EBPL: variants seen among roughly 807,000 people sequenced by gnomAD.
EBPL encodes the protein emopamil-binding protein-like.
In EBPL, 20 loss-of-function variants were observed where a neutral mutation model predicts 19.0. That is an observed-to-expected ratio of 1.05 (90% CI 0.74 to 1.53). The LOEUF (loss-of-function observed/expected upper bound fraction) is 1.53, where lower values mean the gene tolerates loss of function less well. Ranked by LOEUF, EBPL falls within the 40% of genes most tolerant of loss-of-function variation. The pLI, the probability that EBPL is intolerant of heterozygous loss-of-function variation, is 0.00. For synonymous variants in EBPL, 107 were observed against 117.0 expected (o/e 0.91, Z 0.55); for missense variants, 219 against 261.1 (o/e 0.84, Z 1.11).
intron 3 of EBPL, among the ~76,000 whole-genome samples, chr13:49,661,486 T>G (rs994455860): frequency 6.6e-6 from 1 of 152,098 alleles, no homozygotes; most frequent in Non-Finnish European, 1.5e-5. Context: ...TTGGGGAAAT[T>G]TGGTGAGATC....
At chr13:49,686,647 C>T in intron 1 of EBPL, 6 of 1,283,220 alleles carry the variant, frequency 4.7e-6, no homozygotes, top group Non-Finnish European at 6.1e-6. Flanking sequence ...CTCTTTCACC[C>T]TTCTGTTCTC....
At chr13:49,672,916 C>T (rs534214568) in intron 1 of EBPL, among the ~76,000 whole-genome samples, 2 of 151,970 alleles carry the variant, frequency 1.3e-5, no homozygotes, top group African/African-American at 2.4e-5. Context: ...AACAATTAGC[C>T]GGGTGTGGTG....
At chr13:49,683,042 T>C (rs1454400189) in intron 1 of EBPL, among the ~76,000 whole-genome samples, 1 of 152,092 alleles carries the variant, frequency 6.6e-6, no homozygotes, top group Non-Finnish European at 1.5e-5. Context: ...GGCGCCATCT[T>C]GGCTCACTGC....
intron 1 of EBPL, among the ~76,000 whole-genome samples, chr13:49,671,230 C>G (rs1056195988): frequency 6.6e-6 from 1 of 152,176 alleles, no homozygotes; most frequent in Admixed American, 6.5e-5. Flanking sequence ...CTACGCCTCC[C>G]GGGTTCAAGC....
At chr13:49,684,912 T>C (rs1370629363) in intron 1 of EBPL, among the ~76,000 whole-genome samples, 1 of 152,160 alleles carries the variant, frequency 6.6e-6, no homozygotes, top group Non-Finnish European at 1.5e-5. Context: ...AGTGAAATTA[T>C]TTTTTATTTT....
rs543101852 is a variant in EBPL at position 49,661,719 on chromosome 13, C to A, written c.381-511G>T. The A allele has an allele frequency of 4.4e-5, 63 of 1,441,586 alleles. No individual in the cohort carries two copies. The East Asian group carries it at 1.5e-3, about 33-fold the overall frequency. The allele number at this position is 1,441,586 out of a possible 1,614,324, so 89.3% of individuals were successfully genotyped here. A position where few individuals can be genotyped will look rare whatever the true frequency, so the allele number is the denominator to read the frequency against. ...GCACACGTAGTAAGTTTGCAACCAG[C>A]GTCATGGAGTGAAAAATACGTCAAG... On this transcript the variant is annotated intron_variant, in intron 3 of 3. Coordinates refer to ENST00000242827, the MANE Select transcript of EBPL (RefSeq NM_032565.5).
intron 1 of EBPL, among the ~76,000 whole-genome samples, chr13:49,687,721 C>T (rs1040676048): frequency 2.0e-5 from 3 of 152,188 alleles, no homozygotes; most frequent in African/African-American, 7.2e-5. Flanking sequence ...TTTCTTGTAA[C>T]GCATCCCACT....
intron 1 of EBPL, among the ~76,000 whole-genome samples, chr13:49,676,096 T>G (rs189031981): frequency 2.0e-5 from 3 of 152,360 alleles, no homozygotes; most frequent in African/African-American, 7.2e-5. Context: ...ATATCATCAC[T>G]TGGAATTTGA....
chr13:49,690,951 G>A (rs1466057616), intron 1 of EBPL, among the ~76,000 whole-genome samples: 1 of 152,148 alleles, frequency 6.6e-6, no homozygotes, highest in East Asian at 1.9e-4. Flanking sequence ...CAACAGTTAC[G>A]TGCAGGTTAC....
chr13:49,668,435 G>C (rs532034252), intron 2 of EBPL: 2 of 234,748 alleles, frequency 8.5e-6, no homozygotes, highest in African/African-American at 2.4e-5. Context: ...TTAGCTAGGC[G>C]TGGTGGCGGG....
chr13:49,682,854 T>C (rs1019488925), intron 1 of EBPL, among the ~76,000 whole-genome samples: 2 of 152,210 alleles, frequency 1.3e-5, no homozygotes, highest in African/African-American at 4.8e-5. Flanking sequence ...GTGCATCTGC[T>C]GCATCCCAAA....
At chr13:49,688,112 A>G (rs536946860) in intron 1 of EBPL, among the ~76,000 whole-genome samples, 25 of 152,316 alleles carry the variant, frequency 1.6e-4, no homozygotes, top group African/African-American at 5.8e-4. Flanking sequence ...ATTGCAGAAG[A>G]GATAAAATTT....
chr13:49,675,900 T>C (rs1270927974), intron 1 of EBPL, among the ~76,000 whole-genome samples: 1 of 151,426 alleles, frequency 6.6e-6, no homozygotes, highest in Non-Finnish European at 1.5e-5. Context: ...TTAATAGTAC[T>C]CATCCTAACG....
intron 1 of EBPL, among the ~76,000 whole-genome samples, chr13:49,673,007 C>T (rs573933471): frequency 1.2e-3 from 176 of 152,076 alleles, no homozygotes; most frequent in Admixed American, 2.7e-3. Context: ...TGCAGTGAGC[C>T]GTGATTGTGC....
At chr13:49,668,913 T>C (rs1439894015) in intron 2 of EBPL, among the ~76,000 whole-genome samples, 1 of 149,672 alleles carries the variant, frequency 6.7e-6, no homozygotes, top group African/African-American at 2.5e-5. Context: ...GGAGTCTTGC[T>C]CTGTCACCCA....
intron 1 of EBPL, among the ~76,000 whole-genome samples, chr13:49,687,566 C>A (rs1954012035): frequency 6.6e-6 from 1 of 152,192 alleles, no homozygotes; most frequent in Non-Finnish European, 1.5e-5. Context: ...CAGCTCCCTC[C>A]AGAGAGGTTC....
rs1254324127 is a variant in EBPL at position 49,661,878 on chromosome 13, T to A, written c.381-670A>T. Reference sequence around the variant, plus strand: ...CAGCTGTGCCTACTTGAAATTGTTTTAGGGATTCATCTCAGGATAGCAATC... The same window carrying A: ...CAGCTGTGCCTACTTGAAATTGTTTAAGGGATTCATCTCAGGATAGCAATC... On this transcript the variant is annotated intron_variant, in intron 3 of 3. Transcript: ENST00000242827. The A allele has an allele frequency of 6.4e-6, 10 of 1,550,510 alleles. No homozygotes were observed. In the East Asian group the frequency reaches 2.2e-4, roughly 34 times the overall value.
At chr13:49,670,203 G>A (rs960507517) in intron 1 of EBPL, among the ~76,000 whole-genome samples, 4 of 151,998 alleles carry the variant, frequency 2.6e-5, no homozygotes, top group South Asian at 2.1e-4. Context: ...AAGTCTTTGC[G>A]GAGAACCCCA....
intron 1 of EBPL, among the ~76,000 whole-genome samples, chr13:49,676,596 A>T (rs1396731069): frequency 8.4e-6 from 1 of 119,132 alleles, no homozygotes; most frequent in Non-Finnish European, 1.9e-5. Context: ...TGTCTCAAAA[A>T]AAATAAAATA....
Sources: gnomAD v4.1 joint callset for allele counts (sites outside exome capture counted in the v4.1 genomes callset) on GRCh38, gnomAD v4.1.1 for gene constraint, MANE v1.5 for transcripts, NCBI Gene and HGNC (gene_info 2026-07-23, HGNC 2026-07-21) for gene names.